The following YIPF4 variants were observed in gnomAD, a reference collection of about 807,000 sequenced individuals.
The protein encoded by YIPF4 is Yip1 domain family member 4.
A neutral mutation model predicts 29.4 loss-of-function variants in YIPF4; 18 were observed. The ratio of observed to expected loss-of-function variants is 0.61; its 90% CI spans 0.42 to 0.91. The LOEUF (loss-of-function observed/expected upper bound fraction) is 0.91, where lower values mean the gene tolerates loss of function less well. Among genes scored for constraint, YIPF4 ranks in the 40% least tolerant of loss-of-function variants. The probability of loss-of-function intolerance (pLI) is 0.00; values close to 1 mark genes in which losing one functional copy is unlikely to be tolerated. For missense variants in YIPF4, 279 were observed against 282.7 expected, an observed-to-expected ratio of 0.99 and a Z score of 0.09; for synonymous variants, 115 against 104.7, an observed-to-expected ratio of 1.10 and a Z score of -0.60.
chr2:32,290,657 A>C, intron 2 of YIPF4, 21 bp downstream of exon 2: 1 of 1,390,396 alleles, frequency 7.2e-7, no homozygotes, highest in Middle Eastern at 2.2e-4. Context: ...ATAATAATAT[A>C]TATTTTTTGT....
In YIPF4 at chr2:32,315,589, CAT is replaced by C. The variant is rs1051279240; in HGVS notation, c.*9967_*9968del. ...GTGGTGAAACCCCGTCTCTACTAAA[CAT>C]ATAAAAAATTAGCCGGGCTTGGTGG... On this transcript the variant is annotated 3_prime_UTR_variant, in exon 6 of 6. Transcript: ENST00000238831. 4 of 151,808 alleles carry C rather than the reference CAT, an allele frequency of 2.6e-5. No individual in the cohort carries two copies. Among genetic ancestry groups the C allele is most frequent in the Non-Finnish European group, 5.9e-5 (4 of 68,022 alleles). The allele number at this position is 151,808 out of a possible 1,614,324, so 9.4% of individuals were successfully genotyped here.
chr2:32,298,849 C>T (rs1035229250), intron 4 of YIPF4, among the ~76,000 whole-genome samples: 3 of 151,710 alleles, frequency 2.0e-5, no homozygotes, highest in Non-Finnish European at 4.4e-5. Context: ...TGAGCTACTG[C>T]GCCCAGACAA....
At position 32,277,920 on chromosome 2, in the gene YIPF4, T is replaced by C. The variant is rs2030164855; in HGVS notation, c.-236T>C. ...AGCGCCGCTGTCACTGTTATGGTCC[T>C]GTCAGGGTGCCGGCGTCGTGGTGCT... On this transcript the variant is annotated 5_prime_UTR_variant, in exon 1 of 6. Coordinates refer to ENST00000238831, the MANE Select transcript of YIPF4 (RefSeq NM_032312.4). The C allele has an allele frequency of 3.8e-6, 2 of 522,988 alleles. No individual in the cohort carries two copies. Among genetic ancestry groups the C allele is most frequent in the South Asian group, 2.4e-5 (1 of 41,986 alleles). 32.4% of individuals were successfully genotyped at this position (522,988 alleles called of 1,614,324 possible).
chr2:32,301,962 C>T (rs1314154504), intron 5 of YIPF4, among the ~76,000 whole-genome samples: 2 of 152,092 alleles, frequency 1.3e-5, no homozygotes, highest in African/African-American at 4.8e-5. Flanking sequence ...GCCTTGGCCT[C>T]CCAAAGTGCT....
chr2:32,293,227 G>A (rs2030998844), intron 3 of YIPF4, among the ~76,000 whole-genome samples: 1 of 152,138 alleles, frequency 6.6e-6, no homozygotes, highest in African/African-American at 2.4e-5. Context: ...CCTAGGCAGA[G>A]GACCCTGCGG....
At chr2:32,304,147 CTG>C (rs1465051336) in intron 5 of YIPF4, among the ~76,000 whole-genome samples, 1 of 152,094 alleles carries the variant, frequency 6.6e-6, no homozygotes, top group Non-Finnish European at 1.5e-5. Flanking sequence ...ATTTAATCTT[CTG>C]TGAGTAGTGA....
intron 1 of YIPF4, among the ~76,000 whole-genome samples, chr2:32,281,000 T>A (rs575822336): frequency 1.3e-5 from 2 of 152,330 alleles, no homozygotes; most frequent in South Asian, 4.1e-4. Flanking sequence ...TTACTTTTTT[T>A]AAATATGCCT....
intron 5 of YIPF4, among the ~76,000 whole-genome samples, chr2:32,304,437 A>T (rs1285924419): frequency 1.3e-5 from 2 of 151,924 alleles, no homozygotes; most frequent in Non-Finnish European, 2.9e-5. Context: ...TTTAAGTTCA[A>T]CAAACCCAGT....
chr2:32,304,416 C>CTT (rs74838110), intron 5 of YIPF4, among the ~76,000 whole-genome samples: 1 of 144,344 alleles, frequency 6.9e-6, no homozygotes, highest in Admixed American at 7.0e-5. Context: ...CATAGGGTTA[C>CTT]TTTTTTTTTT....
intron 1 of YIPF4, 70 bp from the exon 2 acceptor site, chr2:32,290,413 T>G: frequency 8.6e-7 from 1 of 1,162,028 alleles, no homozygotes; most frequent in Non-Finnish European, 1.1e-6. Context: ...TAGTTGAATA[T>G]CTGCTCACTT....
intron 4 of YIPF4, among the ~76,000 whole-genome samples, chr2:32,299,322 T>A (rs925731529): frequency 6.6e-6 from 1 of 152,198 alleles, no homozygotes; most frequent in African/African-American, 2.4e-5. Context: ...AGAGTAGCAT[T>A]ATTTTACATT....
Position 32,302,087 on chromosome 2 carries a change from G to A in YIPF4, c.597+592G>A, listed in dbSNP as rs1423674042. Among the ~76,000 whole-genome samples the A allele has an allele frequency of 4.0e-5, 6 of 148,808 alleles. No individual in the cohort carries two copies. In the Admixed American group the frequency reaches 4.1e-4, roughly 10 times the overall value. On this transcript the variant is annotated intron_variant, in intron 5 of 5. Coordinates refer to ENST00000238831, the MANE Select transcript of YIPF4 (RefSeq NM_032312.4). ...GCTCTGTCGCCCAGGCTGGAGTGCA[G>A]TGGCGTGATCTCAGCTCACTGTAAC...
rs1276589358 is a variant in YIPF4 at position 32,306,080 on chromosome 2, T to G, written c.*454T>G. The G allele has an allele frequency of 1.2e-6, 1 of 802,860 alleles. No individual in the cohort carries two copies. The highest frequency in any genetic ancestry group is 1.3e-4 in the East Asian group (1 of 7,984). 49.7% of individuals were successfully genotyped at this position (802,860 alleles called of 1,614,324 possible). On this transcript the variant is annotated 3_prime_UTR_variant, in exon 6 of 6. Transcript: ENST00000238831. ...TTATACATATATATTTATGAAATAA[T>G]TCTTACTCACAAAATATATTTCTGA... is the stretch of plus-strand genomic sequence containing the variant.
rs570177837 is a variant in YIPF4 at position 32,280,344 on chromosome 2, A to G, written c.79+2110A>G. ...ACGGGGTTTCACTGTGTTAGCCAGG[A>G]TGGTCTTGATCTCCTGATCTTGTGA... On this transcript the variant is annotated intron_variant, in intron 1 of 5. Coordinates refer to ENST00000238831, the MANE Select transcript of YIPF4 (RefSeq NM_032312.4). Among the ~76,000 whole-genome samples, 5 of 148,104 alleles carry G rather than the reference A, an allele frequency of 3.4e-5. No individual in the cohort carries two copies. In the East Asian group the frequency reaches 9.9e-4, roughly 29 times the overall value.
chr2:32,306,592 A>G lies in YIPF4; in HGVS notation c.*966A>G, dbSNP rs1162813702. Reference sequence around the variant, plus strand: ...GTTGTGTGTTTTGTTTTACAGCACCATGTCCTGTATTACTTGATATTTTAA... The same window carrying G: ...GTTGTGTGTTTTGTTTTACAGCACCGTGTCCTGTATTACTTGATATTTTAA... On this transcript the variant is annotated 3_prime_UTR_variant, in exon 6 of 6. Transcript: ENST00000238831. 4 of 985,254 alleles carry G rather than the reference A, an allele frequency of 4.1e-6. No homozygotes were observed. The East Asian group carries it at 3.4e-4, about 84-fold the overall frequency. 61.0% of individuals were successfully genotyped at this position (985,254 alleles called of 1,614,324 possible).
chr2:32,308,065 A>T lies in YIPF4; in HGVS notation c.*2439A>T, dbSNP rs1305347225. On this transcript the variant is annotated 3_prime_UTR_variant, in exon 6 of 6. Coordinates refer to ENST00000238831, the MANE Select transcript of YIPF4 (RefSeq NM_032312.4). ...TTTATATAATAATATTTTCTGAGTC[A>T]TAACTAATTTTTTAAATAATGATTT... is the stretch of plus-strand genomic sequence containing the variant. 1 of 151,918 alleles carries T rather than the reference A, an allele frequency of 6.6e-6. No homozygotes were observed. The highest frequency in any genetic ancestry group is 1.5e-5 in the Non-Finnish European group (1 of 68,028). The allele number at this position is 151,918 out of a possible 1,614,324, so 9.4% of individuals were successfully genotyped here.
intron 1 of YIPF4, among the ~76,000 whole-genome samples, chr2:32,284,151 A>G (rs548515505): frequency 1.3e-5 from 2 of 152,330 alleles, no homozygotes; most frequent in South Asian, 2.1e-4. Context: ...CTGGGGATAT[A>G]TGTACCAAGA....
chr2:32,282,452 A>G (rs2030463824), intron 1 of YIPF4, among the ~76,000 whole-genome samples: 1 of 152,102 alleles, frequency 6.6e-6, no homozygotes, highest in African/African-American at 2.4e-5. Flanking sequence ...TTTGTTTTTG[A>G]GACGGAGTCT....
intron 1 of YIPF4, among the ~76,000 whole-genome samples, chr2:32,280,102 G>C (rs1020080844): frequency 6.7e-6 from 1 of 149,808 alleles, no homozygotes; most frequent in Non-Finnish European, 1.5e-5. Flanking sequence ...CCTAAGGTCT[G>C]TGCCACCGTG....
Sources: gnomAD v4.1 joint callset for allele counts (sites outside exome capture counted in the v4.1 genomes callset) on GRCh38, gnomAD v4.1.1 for gene constraint, MANE v1.5 for transcripts, NCBI Gene and HGNC (gene_info 2026-07-23, HGNC 2026-07-21) for gene names.